PPFIA2: variants seen among roughly 807,000 people sequenced by gnomAD.
PPFIA2 encodes the protein PPFI scaffold protein A2.
A neutral mutation model predicts 175.5 loss-of-function variants in PPFIA2; 46 were observed. The observed-to-expected ratio is 0.26, with a 90% confidence interval of 0.21 to 0.34. The LOEUF (loss-of-function observed/expected upper bound fraction) is 0.34. Ranked by LOEUF, PPFIA2 falls within the 10% of genes least tolerant of loss-of-function variation. PPFIA2 has a pLI of 1.00. For synonymous variants in PPFIA2, 568 were observed against 511.4 expected (o/e 1.11, Z -1.49); for missense variants, 1,179 against 1,506.1 (o/e 0.78, Z 3.60).
chr12:81,324,861 A>G (rs2054407582), intron 22 of PPFIA2, among the ~76,000 whole-genome samples: 1 of 152,042 alleles, frequency 6.6e-6, no homozygotes, highest in Non-Finnish European at 1.5e-5. Flanking sequence ...CAATTAGGTT[A>G]GTGAGTTGTT....
chr12:81,366,957 C>T, intron 14 of PPFIA2, 151 bp downstream of exon 14: 1 of 912,772 alleles, frequency 1.1e-6, no homozygotes. Context: ...TCTATGTACG[C>T]TTTTCTGCAC....
chr12:81,443,834 T>C (rs1329144617), intron 6 of PPFIA2, among the ~76,000 whole-genome samples: 1 of 147,454 alleles, frequency 6.8e-6, no homozygotes, highest in African/African-American at 2.5e-5. Context: ...CTAGATCAAA[T>C]GCCAACCTTT....
chr12:81,275,647 C>A (rs2040316596), intron 28 of PPFIA2, among the ~76,000 whole-genome samples: 2 of 152,000 alleles, frequency 1.3e-5, no homozygotes, highest in Admixed American at 6.6e-5. Flanking sequence ...TGTAGAAACA[C>A]CCATTACATT....
chr12:81,517,107 C>CTTT (rs34341719), intron 4 of PPFIA2, among the ~76,000 whole-genome samples: 15 of 123,690 alleles, frequency 1.2e-4, no homozygotes, highest in African/African-American at 3.0e-4. Flanking sequence ...CACATTGTAG[C>CTTT]TTTTTTTTTT....
rs942942238 is a variant in PPFIA2 at position 81,713,462 on chromosome 12, A to G, written c.250-36618T>C. 7.9e-5 allele frequency among the ~76,000 whole-genome samples: 12 copies of G among 151,354 alleles called. No homozygotes were observed. The South Asian group carries it at 2.3e-3, about 29-fold the overall frequency. On this transcript the variant is annotated intron_variant, in intron 3 of 32. Transcript: ENST00000549396. The stretch of plus-strand genomic sequence containing the variant: ...GGTCTCAAAGAGAACCTTACAAATA[A>G]TGTTGTTTCTGTATATGAAAAAATG...
intron 17 of PPFIA2, 75 bp downstream of exon 17, chr12:81,353,044 A>T: frequency 6.8e-6 from 9 of 1,322,156 alleles, no homozygotes; most frequent in Non-Finnish European, 9.7e-6. Context: ...AATGCTTCTG[A>T]TCTAGTAATT....
intron 4 of PPFIA2, among the ~76,000 whole-genome samples, chr12:81,458,189 C>G (rs1439669137): frequency 6.6e-6 from 1 of 152,084 alleles, no homozygotes; most frequent in Non-Finnish European, 1.5e-5. Flanking sequence ...ATTTTATGAA[C>G]AGCTCCCAAA....
chr12:81,550,209 G>A (rs2067682738), intron 4 of PPFIA2, among the ~76,000 whole-genome samples: 1 of 151,906 alleles, frequency 6.6e-6, no homozygotes, highest in South Asian at 2.1e-4. Context: ...TGCACTAAGT[G>A]TTATAATAGA....
At chr12:81,562,874 A>AAAAG (rs1567344308) in intron 4 of PPFIA2, among the ~76,000 whole-genome samples, 30 of 149,538 alleles carry the variant, frequency 2.0e-4, no homozygotes, top group African/African-American at 6.9e-4. Flanking sequence ...AAAAAAAAAA[A>AAAAG]AGAGAGAGTA....
chr12:81,571,118 G>A (rs961174951), intron 4 of PPFIA2, among the ~76,000 whole-genome samples: 3 of 151,926 alleles, frequency 2.0e-5, no homozygotes, highest in Non-Finnish European at 4.4e-5. Flanking sequence ...TATGATACCA[G>A]CATTTATAGA....
At chr12:81,543,149 G>A (rs2066465064) in intron 4 of PPFIA2, among the ~76,000 whole-genome samples, 1 of 152,088 alleles carries the variant, frequency 6.6e-6, no homozygotes. Context: ...GAGCCTAGCT[G>A]TTGGTTTCTA....
intron 3 of PPFIA2, among the ~76,000 whole-genome samples, chr12:81,739,729 T>C (rs2082107924): frequency 6.6e-6 from 1 of 151,874 alleles, no homozygotes. Context: ...AAAGAGAAAA[T>C]CATAGGTAAG....
At chr12:81,537,376 A>G (rs2065555842) in intron 4 of PPFIA2, among the ~76,000 whole-genome samples, 1 of 151,868 alleles carries the variant, frequency 6.6e-6, no homozygotes, top group African/African-American at 2.4e-5. Flanking sequence ...AAAAGAGGAG[A>G]AAGAGTTAAG....
At chr12:81,666,793 C>T (rs994489709) in intron 4 of PPFIA2, among the ~76,000 whole-genome samples, 1 of 151,792 alleles carries the variant, frequency 6.6e-6, no homozygotes, top group Admixed American at 6.6e-5. Context: ...GAAATAGAGG[C>T]ACAAAGAAGA....
chr12:81,514,962 C>A (rs891294769), intron 4 of PPFIA2, among the ~76,000 whole-genome samples: 4 of 151,602 alleles, frequency 2.6e-5, no homozygotes, highest in African/African-American at 9.7e-5. Context: ...TTTTGCATTC[C>A]TTAAGTGTTG....
chr12:81,457,743 A>C, intron 5 of PPFIA2, 22 bp downstream of exon 5: 1 of 1,482,376 alleles, frequency 6.7e-7, no homozygotes, highest in Non-Finnish European at 9.2e-7. Flanking sequence ...AATTAATTCC[A>C]AAAAGGCTGC....
At chr12:81,333,935 G>T (rs1200655212) in intron 21 of PPFIA2, among the ~76,000 whole-genome samples, 2 of 152,140 alleles carry the variant, frequency 1.3e-5, no homozygotes, top group Non-Finnish European at 2.9e-5. Context: ...TATTTAACCA[G>T]TTATAAATCC....
chr12:81,353,194 G>A lies in PPFIA2; in HGVS notation c.1919C>T (p.Pro640Leu), dbSNP rs375289637. ...TIFSSMDLLSPSGHSDAQTLA... is the reference protein window; with the variant it reads ...TIFSSMDLLSLSGHSDAQTLA... Reference sequence around the variant, plus strand: ...CGTCTGGGCATCGGAATGACCACTTGGAGAGAGAAGATCCATTGAGCTAAA... The same window carrying A: ...CGTCTGGGCATCGGAATGACCACTTAGAGAGAGAAGATCCATTGAGCTAAA... The change falls in exon 17 of 33, where the codon CCA becomes CTA. Residue 640 changes from proline (P) to leucine (L), a missense_variant. By Grantham distance (98) the Pro-to-Leu change is moderately conservative (BLOSUM62 -3). Coordinates refer to ENST00000549396, the MANE Select transcript of PPFIA2 (RefSeq NM_003625.5). The A allele has an allele frequency of 6.2e-7, 1 of 1,613,792 alleles. No homozygotes were observed. Among genetic ancestry groups the A allele is most frequent in the Non-Finnish European group, 8.5e-7 (1 of 1,179,820 alleles).
chr12:81,399,225 TA>T (rs1018314128), intron 8 of PPFIA2, among the ~76,000 whole-genome samples: 59 of 115,216 alleles, frequency 5.1e-4, no homozygotes, highest in African/African-American at 2.0e-3. Flanking sequence ...GTTAATAAGA[TA>T]AAGGTAACTG....
Sources: gnomAD v4.1 joint callset for allele counts (sites outside exome capture counted in the v4.1 genomes callset) on GRCh38, gnomAD v4.1.1 for gene constraint, MANE v1.5 for transcripts, NCBI Gene and HGNC (gene_info 2026-07-23, HGNC 2026-07-21) for gene names.